The following DNER variants were observed in gnomAD, a reference collection of about 807,000 sequenced individuals.
The protein encoded by DNER is delta and Notch-like epidermal growth factor-related receptor.
DNER carries 33 observed loss-of-function variants against 78.2 expected under a neutral mutation model. The ratio of observed to expected loss-of-function variants is 0.42; its 90% CI spans 0.32 to 0.56. The LOEUF is 0.56. Ranked by LOEUF, DNER falls within the 20% of genes least tolerant of loss-of-function variation. The pLI is 0.11. For synonymous variants in DNER, 417 were observed against 384.8 expected (o/e 1.08, Z -0.98); for missense variants, 918 against 975.3 (o/e 0.94, Z 0.78).
intron 6 of DNER, among the ~76,000 whole-genome samples, chr2:229,502,351 G>T (rs118049037): frequency 1.3e-5 from 2 of 152,176 alleles, no homozygotes; most frequent in Non-Finnish European, 2.9e-5. Context: ...TGGGGGCACC[G>T]CAGCAGTGCA....
chr2:229,437,912 AC>A, intron 8 of DNER, among the ~76,000 whole-genome samples: 1 of 152,224 alleles, frequency 6.6e-6, no homozygotes, highest in East Asian at 1.9e-4. Context: ...GGCATTGGGG[AC>A]CCCAGAAATG....
intron 5 of DNER, among the ~76,000 whole-genome samples, chr2:229,520,504 T>C (rs1045492050): frequency 2.0e-5 from 3 of 152,204 alleles, no homozygotes; most frequent in East Asian, 1.9e-4. Flanking sequence ...ATCTGCTAGG[T>C]CAAAACTCTG....
intron 12 of DNER, among the ~76,000 whole-genome samples, chr2:229,363,984 GC>G (rs1692278319): frequency 7.2e-5 from 8 of 111,530 alleles, no homozygotes; most frequent in African/African-American, 2.5e-4. Flanking sequence ...TCAATTCTCT[GC>G]TTTTTTTTTT....
intron 9 of DNER, among the ~76,000 whole-genome samples, chr2:229,415,358 T>C (rs1382867796): frequency 6.6e-6 from 1 of 152,162 alleles, no homozygotes; most frequent in Non-Finnish European, 1.5e-5. Context: ...AGTCAGTCAA[T>C]ACCTGGCTTT....
At chr2:229,415,498 T>C (rs1178142401) in intron 9 of DNER, among the ~76,000 whole-genome samples, 1 of 152,210 alleles carries the variant, frequency 6.6e-6, no homozygotes, top group Non-Finnish European at 1.5e-5. Flanking sequence ...AGATAGCTGA[T>C]ACAGAAGGCG....
chr2:229,444,957 A>G (rs1277473843), intron 8 of DNER, among the ~76,000 whole-genome samples: 1 of 152,230 alleles, frequency 6.6e-6, no homozygotes, highest in Non-Finnish European at 1.5e-5. Flanking sequence ...GTCTTACAAT[A>G]TTTAATTCTT....
rs181976486 is a variant in DNER, at chr2:229,551,060, A to C, written c.848-3968T>G. Reference sequence around the variant, plus strand: ...TCAAAGTATTGCTTGACACAGGTTCACTTTTCATACTTTTAAAGAGAAGGA... The same window carrying C: ...TCAAAGTATTGCTTGACACAGGTTCCCTTTTCATACTTTTAAAGAGAAGGA... On this transcript the variant is annotated intron_variant, in intron 4 of 12. Transcript: ENST00000341772. Among the ~76,000 whole-genome samples, 83 of 152,330 alleles carry C rather than the reference A, an allele frequency of 5.4e-4. 1 individual carries two copies. The highest frequency in any genetic ancestry group is 2.0e-3 in the African/African-American group (82 of 41,580).
At chr2:229,537,761 A>G (rs2154212982) in intron 5 of DNER, among the ~76,000 whole-genome samples, 1 of 151,770 alleles carries the variant, frequency 6.6e-6, no homozygotes, top group South Asian at 2.1e-4. Context: ...CTTTTTTATT[A>G]TTATTATTAT....
At chr2:229,668,121 A>G (rs1373388303) in intron 1 of DNER, among the ~76,000 whole-genome samples, 4 of 152,168 alleles carry the variant, frequency 2.6e-5, no homozygotes, top group Admixed American at 2.6e-4. Flanking sequence ...TCACACTGTC[A>G]TGACTGCATA....
intron 1 of DNER, among the ~76,000 whole-genome samples, chr2:229,667,494 A>G (rs1007640691): frequency 3.2e-5 from 2 of 61,570 alleles, no homozygotes; most frequent in African/African-American, 9.4e-5. Context: ...CTTAATGACT[A>G]TTACATAAAT....
intron 5 of DNER, among the ~76,000 whole-genome samples, chr2:229,524,181 C>T (rs1696156133): frequency 6.6e-6 from 1 of 152,216 alleles, no homozygotes; most frequent in Non-Finnish European, 1.5e-5. Context: ...ATTAGAAGAA[C>T]ATGAAGCAGA....
chr2:229,578,086 T>A (rs1031269602), intron 4 of DNER, among the ~76,000 whole-genome samples: 1 of 152,280 alleles, frequency 6.6e-6, no homozygotes, highest in Non-Finnish European at 1.5e-5. Context: ...GACCCTCAGC[T>A]CTTCACAGTA....
At chr2:229,607,502 C>CT (rs1559180983) in intron 1 of DNER, among the ~76,000 whole-genome samples, 1 of 152,138 alleles carries the variant, frequency 6.6e-6, no homozygotes, top group Admixed American at 6.6e-5. Flanking sequence ...TCCCATGCTT[C>CT]TTTTTTGTTT....
At chr2:229,368,661 T>C (rs1484263057) in intron 11 of DNER, among the ~76,000 whole-genome samples, 2 of 152,182 alleles carry the variant, frequency 1.3e-5, no homozygotes, top group African/African-American at 4.8e-5. Flanking sequence ...ATATATTGAT[T>C]TCTTATTATA....
intron 1 of DNER, among the ~76,000 whole-genome samples, chr2:229,634,885 A>G (rs1442853298): frequency 6.6e-6 from 1 of 151,858 alleles, no homozygotes; most frequent in Non-Finnish European, 1.5e-5. Flanking sequence ...ACCAATGGAA[A>G]CCCTTCAGGG....
At chr2:229,499,833 T>G (rs1695578073) in intron 6 of DNER, among the ~76,000 whole-genome samples, 1 of 152,064 alleles carries the variant, frequency 6.6e-6, no homozygotes, top group Admixed American at 6.5e-5. Flanking sequence ...GATAAAGAAT[T>G]GCTATTTCAA....
At chr2:229,673,093 T>C (rs1165077896) in intron 1 of DNER, among the ~76,000 whole-genome samples, 1 of 152,196 alleles carries the variant, frequency 6.6e-6, no homozygotes, top group African/African-American at 2.4e-5. Context: ...GGATCCACTT[T>C]TCCTGTCCTT....
chr2:229,677,572 T>C (rs1238680295), intron 1 of DNER, among the ~76,000 whole-genome samples: 1 of 152,210 alleles, frequency 6.6e-6, no homozygotes, highest in Non-Finnish European at 1.5e-5. Flanking sequence ...ACTCTCTTCT[T>C]TTCATAAATA....
At chr2:229,418,859 T>C (rs990402932) in intron 8 of DNER, among the ~76,000 whole-genome samples, 2 of 151,778 alleles carry the variant, frequency 1.3e-5, no homozygotes, top group African/African-American at 4.8e-5. Context: ...AGGCAGAGGT[T>C]GCAGTGAGCC....
Sources: gnomAD v4.1 joint callset for allele counts (sites outside exome capture counted in the v4.1 genomes callset) on GRCh38, gnomAD v4.1.1 for gene constraint, MANE v1.5 for transcripts, NCBI Gene and HGNC (gene_info 2026-07-23, HGNC 2026-07-21) for gene names.